The following GATAD2B variants were observed in gnomAD, a reference collection of about 807,000 sequenced individuals.
The protein encoded by GATAD2B is GATA zinc finger domain containing 2B.
GATAD2B carries 8 observed loss-of-function variants against 64.3 expected under a neutral mutation model. The observed-to-expected ratio is 0.12, with a 90% CI of 0.07 to 0.22. GATAD2B has a LOEUF of 0.22. Among genes scored for constraint, GATAD2B ranks in the 10% least tolerant of loss-of-function variants. The pLI, the probability that GATAD2B is intolerant of heterozygous loss-of-function variation, is 1.00. For synonymous variants in GATAD2B, 281 were observed against 271.3 expected (o/e 1.04, Z -0.35); for missense variants, 453 against 752.0 (o/e 0.60, Z 4.65).
intron 1 of GATAD2B, among the ~76,000 whole-genome samples, chr1:153,848,636 A>T (rs553560972): frequency 1.3e-5 from 2 of 152,296 alleles, no homozygotes; most frequent in African/African-American, 4.8e-5. Flanking sequence ...CATGTAGTCA[A>T]TTGCCTAACA....
At chr1:153,913,943 T>C (rs7415816) in intron 1 of GATAD2B, among the ~76,000 whole-genome samples, 7,805 of 137,204 alleles carry the variant, frequency 0.057, 363 homozygotes, top group South Asian at 0.18. Flanking sequence ...GAAGAAAAAA[T>C]TTAGTCAAGA....
intron 1 of GATAD2B, among the ~76,000 whole-genome samples, chr1:153,908,282 C>G (rs1310511539): frequency 6.6e-6 from 1 of 152,090 alleles, no homozygotes; most frequent in Non-Finnish European, 1.5e-5. Context: ...CTGCTTGAGC[C>G]TAGGAGTTTG....
chr1:153,811,225 T>C (rs1009951073), intron 10 of GATAD2B, among the ~76,000 whole-genome samples: 6 of 152,178 alleles, frequency 3.9e-5, no homozygotes, highest in Admixed American at 2.6e-4. Context: ...CAATCCCCAC[T>C]CATATTCCTA....
intron 1 of GATAD2B, among the ~76,000 whole-genome samples, chr1:153,911,107 T>C (rs1678097590): frequency 6.6e-6 from 1 of 151,960 alleles, no homozygotes; most frequent in Non-Finnish European, 1.5e-5. Flanking sequence ...TTCCAGGGAA[T>C]AAAGTGAAAA....
At chr1:153,909,641 T>C (rs1416245463) in intron 1 of GATAD2B, among the ~76,000 whole-genome samples, 1 of 150,892 alleles carries the variant, frequency 6.6e-6, no homozygotes, top group Non-Finnish European at 1.5e-5. Flanking sequence ...CTATTAAAAA[T>C]ACAAAATTTG....
At position 153,816,931 on chromosome 1, in the gene GATAD2B, C is replaced by G. The variant is rs759050155; in HGVS notation, c.901-343G>C. Among the ~76,000 whole-genome samples the G allele has an allele frequency of 6.6e-6, 1 of 152,036 alleles. No homozygotes were observed. On this transcript the variant is annotated intron_variant, in intron 6 of 10. Coordinates refer to ENST00000368655, the MANE Select transcript of GATAD2B (RefSeq NM_020699.4). The surrounding 1 kb of genome is among the most constrained non-coding windows in gnomAD (Gnocchi z 4.9). ...AAACTCTGTCTCTACGAAAAATACACAAAATTAGCTGGAAATTCCTTGAAC... is the reference window on the plus strand; with the variant it reads ...AAACTCTGTCTCTACGAAAAATACAGAAAATTAGCTGGAAATTCCTTGAAC...
At chr1:153,815,293 C>CAAAAAAAAAAAAAAAA (rs71093285) in intron 7 of GATAD2B, among the ~76,000 whole-genome samples, 51 of 111,832 alleles carry the variant, frequency 4.6e-4, no homozygotes, top group Non-Finnish European at 7.0e-4. Flanking sequence ...AAAAAAAAAA[C>CAAAAAAAAAAAAAAAA]AAAAAAAAAA....
chr1:153,866,806 G>A (rs559805921), intron 1 of GATAD2B, among the ~76,000 whole-genome samples: 9 of 152,078 alleles, frequency 5.9e-5, no homozygotes, highest in Admixed American at 1.3e-4. Flanking sequence ...GTTTTGAGAC[G>A]GAGTCTTGCT....
Position 153,813,414 on chromosome 1 carries a change from C to T in GATAD2B, c.1255G>A (p.Val419Ile). ...AAATCTGTGCGGCACTGGGCACATA[C>T]AAAGGGTTCAACCCGCAGAAGTGAG... The part of the protein sequence containing the change: ...CASLLRVEPF[V>I]CAQCRTDFTP... Residue 419 changes from valine (V) to isoleucine (I), a missense_variant, in exon 8 of 11, where the codon GTA becomes ATA. Physicochemically the swap from Val to Ile is conservative, Grantham distance 29. Transcript: ENST00000368655. 6.2e-7 allele frequency: 1 copy of T among 1,614,130 alleles called. No individual in the cohort carries two copies. Among genetic ancestry groups the T allele is most frequent in the Middle Eastern group, 1.6e-4 (1 of 6,062 alleles).
chr1:153,886,776 G>A (rs565226185), intron 1 of GATAD2B, among the ~76,000 whole-genome samples: 17 of 151,752 alleles, frequency 1.1e-4, no homozygotes, highest in South Asian at 4.2e-4. Context: ...AGCGAGGATG[G>A]TCTCAATCTT....
intron 1 of GATAD2B, chr1:153,852,346 G>C: frequency 1.1e-6 from 1 of 917,672 alleles, no homozygotes; most frequent in Non-Finnish European, 1.8e-6. Context: ...GCAGAACACT[G>C]AGTAGATGTC....
At chr1:153,861,781 C>CA (rs869141712) in intron 1 of GATAD2B, among the ~76,000 whole-genome samples, 4,129 of 85,658 alleles carry the variant, frequency 0.048, 426 homozygotes, top group African/African-American at 0.17. Flanking sequence ...GACTCCATTT[C>CA]AAAAAAAAAA....
chr1:153,920,021 C>A (rs1164141746), intron 1 of GATAD2B, among the ~76,000 whole-genome samples: 1 of 152,146 alleles, frequency 6.6e-6, no homozygotes, highest in Non-Finnish European at 1.5e-5. Context: ...CTAAGTTAAG[C>A]GCAGAGGGGC....
At chr1:153,824,549 T>C (rs578062437) in intron 2 of GATAD2B, among the ~76,000 whole-genome samples, 3 of 144,558 alleles carry the variant, frequency 2.1e-5, no homozygotes, top group East Asian at 4.0e-4. Context: ...GAGACGGAGG[T>C]TGCAGCGAGC....
At position 153,813,337 on chromosome 1, in the gene GATAD2B, A is replaced by G. The variant is rs1456423939; in HGVS notation, c.1332T>C (p.Cys444=). 1 of 1,614,066 alleles carries G rather than the reference A, an allele frequency of 6.2e-7. No homozygotes were observed. Among genetic ancestry groups the G allele is most frequent in the Admixed American group, 1.7e-5 (1 of 60,032 alleles). ...EKNGKILCEQ[C]MTSNQKKALK... Reference sequence around the variant, plus strand: ...GAGCCTTTTTCTGGTTGGAGGTCATACACTGCTCACATAGAATCTTACCAT... The same window carrying G: ...GAGCCTTTTTCTGGTTGGAGGTCATGCACTGCTCACATAGAATCTTACCAT... The change falls in exon 8 of 11, where the codon TGT becomes TGC. Residue 444 remains cysteine (C), a synonymous_variant. Transcript: ENST00000368655.
rs71093286 is a variant in GATAD2B at position 153,816,059 on chromosome 1, AACACACAC to A, written c.1216+206_1216+213del. On this transcript the variant is annotated intron_variant, in intron 7 of 10. Transcript: ENST00000368655. The surrounding 1 kb of genome is among the most constrained non-coding windows in gnomAD (Gnocchi z 4.9). The stretch of plus-strand genomic sequence containing the variant: ...CAGAGCGAGACTGCATCTCAAACAA[AACACACAC>A]ACACACACACACACACACACACACA... 1.9e-3 allele frequency among the ~76,000 whole-genome samples: 270 copies of A among 141,728 alleles called. No individual in the cohort carries two copies. Among genetic ancestry groups the A allele is most frequent in the Middle Eastern group, 3.6e-3 (1 of 274 alleles). 93.0% of individuals were successfully genotyped at this position (141,728 alleles called of 152,430 possible).
chr1:153,815,826 G>A (rs1341653728), intron 7 of GATAD2B, among the ~76,000 whole-genome samples: 1 of 152,186 alleles, frequency 6.6e-6, no homozygotes, highest in Non-Finnish European at 1.5e-5. Flanking sequence ...GCCGAGGTGG[G>A]CAGATCACCT....
intron 1 of GATAD2B, among the ~76,000 whole-genome samples, chr1:153,845,084 C>T (rs1003005796): frequency 2.0e-5 from 3 of 152,002 alleles, no homozygotes; most frequent in East Asian, 3.9e-4. Context: ...CAAAAAGTTA[C>T]GCAGAGAAAT....
intron 1 of GATAD2B, among the ~76,000 whole-genome samples, chr1:153,848,997 TA>T (rs1675790847): frequency 7.2e-6 from 1 of 139,586 alleles, no homozygotes; most frequent in Non-Finnish European, 1.6e-5. Context: ...CCAGACTGGG[TA>T]ATTTATATAG....
Sources: gnomAD v4.1 joint callset for allele counts (sites outside exome capture counted in the v4.1 genomes callset) on GRCh38, gnomAD v4.1.1 for gene constraint, Gnocchi (gnomAD v3.1) non-coding constraint, MANE v1.5 for transcripts, NCBI Gene and HGNC (gene_info 2026-07-23, HGNC 2026-07-21) for gene names.